The following APBB1IP variants were observed in gnomAD, a reference collection of about 807,000 sequenced individuals.
APBB1IP encodes amyloid beta precursor protein binding family B member 1 interacting protein.
In APBB1IP, 27 loss-of-function variants were observed where a neutral mutation model predicts 64.9. The observed-to-expected ratio is 0.42, with a 90% CI of 0.31 to 0.57. The LOEUF (loss-of-function observed/expected upper bound fraction) is 0.57, where lower values mean the gene tolerates loss of function less well. Among genes scored for constraint, APBB1IP ranks in the 20% least tolerant of loss-of-function variants. The pLI, the probability that APBB1IP is intolerant of heterozygous loss-of-function variation, is 0.20. For missense variants in APBB1IP, 812 were observed against 845.5 expected (o/e 0.96, Z 0.49); for synonymous variants, 392 against 331.0 (o/e 1.18, Z -2.00).
At chr10:26,515,969 C>T (rs1836321141) in intron 8 of APBB1IP, among the ~76,000 whole-genome samples, 1 of 152,040 alleles carries the variant, frequency 6.6e-6, no homozygotes, top group South Asian at 2.1e-4. Flanking sequence ...TGGGGATCTT[C>T]ACAAGAGTCA....
rs1046871457 is a variant in APBB1IP, at chr10:26,551,322, T to TGTGA, written c.1156-8780_1156-8777dup. ...GACCCAGTGTGGTAAGAAACCTGAG[T>TGTGA]GTGAGTCCGGGGGGACTTTCCATGT... is the stretch of plus-strand genomic sequence containing the variant. On this transcript the variant is annotated intron_variant, in intron 11 of 14. Transcript: ENST00000376236. 5.3e-5 allele frequency among the ~76,000 whole-genome samples: 8 copies of TGTGA among 152,234 alleles called. 1 individual carries two copies. Among genetic ancestry groups the TGTGA allele is most frequent in the African/African-American group, 1.9e-4 (8 of 41,552 alleles).
chr10:26,564,027 A>C (rs1487789386), intron 14 of APBB1IP, among the ~76,000 whole-genome samples: 2 of 151,214 alleles, frequency 1.3e-5, no homozygotes, highest in African/African-American at 4.8e-5. Context: ...GCCTGTTCAG[A>C]AATTTAAATA....
chr10:26,472,389 A>G (rs774792544), intron 2 of APBB1IP, among the ~76,000 whole-genome samples: 1 of 152,188 alleles, frequency 6.6e-6, no homozygotes, highest in African/African-American at 2.4e-5. Flanking sequence ...TATGGTCTGT[A>G]TGGACCCACC....
rs186575225 is a variant in APBB1IP at position 26,521,417 on chromosome 10, C to T, written c.813+7757C>T. On this transcript the variant is annotated intron_variant, in intron 8 of 14. Transcript: ENST00000376236. ...AAAGATAGGAAGTACAGTCAGGCCT[C>T]CCAGGGACTGGTGCAGGGGTTGGAG... 2.4e-3 allele frequency among the ~76,000 whole-genome samples: 371 copies of T among 152,300 alleles called. 1 individual carries two copies. The highest frequency in any genetic ancestry group is 8.2e-3 in the African/African-American group (341 of 41,570).
intron 6 of APBB1IP, among the ~76,000 whole-genome samples, chr10:26,506,250 T>G (rs9299826): frequency 0.018 from 1,130 of 62,344 alleles, 27 homozygotes; most frequent in African/African-American, 0.045. Context: ...CGTGTGTGTG[T>G]GGGGGGGGGG....
chr10:26,567,763 T>C lies in APBB1IP; in HGVS notation c.*275T>C, dbSNP rs1285295581. On this transcript the variant is annotated 3_prime_UTR_variant, in exon 15 of 15. Coordinates refer to ENST00000376236, the MANE Select transcript of APBB1IP (RefSeq NM_019043.4). ...TGTTTTAGGTTCATTTATTTTATTA[T>C]GTTCAGAAGCATCAAATAAAAGTTA... The C allele has an allele frequency of 3.8e-6, 2 of 526,724 alleles. No homozygotes were observed. The highest frequency in any genetic ancestry group is 5.5e-6 in the Non-Finnish European group (2 of 365,096). 32.6% of individuals were successfully genotyped at this position (526,724 alleles called of 1,614,324 possible).
intron 2 of APBB1IP, among the ~76,000 whole-genome samples, chr10:26,474,174 T>C (rs548261193): frequency 2.5e-4 from 38 of 152,278 alleles, no homozygotes; most frequent in African/African-American, 6.5e-4. Context: ...CTGTGGTAGA[T>C]TGAGCCTTTC....
At chr10:26,503,934 T>C (rs1836138132) in intron 6 of APBB1IP, among the ~76,000 whole-genome samples, 1 of 152,214 alleles carries the variant, frequency 6.6e-6, no homozygotes, top group Admixed American at 6.5e-5. Context: ...TTGGGTGCTG[T>C]ACAGGCAGGG....
intron 11 of APBB1IP, among the ~76,000 whole-genome samples, chr10:26,551,487 T>C (rs1208929175): frequency 1.3e-5 from 2 of 152,226 alleles, no homozygotes; most frequent in Non-Finnish European, 2.9e-5. Context: ...TTAGCCCTCA[T>C]AAAGGCACTT....
chr10:26,553,018 T>C (rs1338575311), intron 11 of APBB1IP, among the ~76,000 whole-genome samples: 1 of 149,640 alleles, frequency 6.7e-6, no homozygotes, highest in African/African-American at 2.5e-5. Context: ...CTCCATGTCC[T>C]CAACTTTTTT....
intron 8 of APBB1IP, among the ~76,000 whole-genome samples, chr10:26,525,425 T>G (rs77737993): frequency 6.6e-6 from 1 of 152,170 alleles, no homozygotes; most frequent in Non-Finnish European, 1.5e-5. Flanking sequence ...CTCTTGTTAC[T>G]CTCTCTCTTG....
chr10:26,461,833 C>A (rs1297044778), intron 2 of APBB1IP, among the ~76,000 whole-genome samples: 3 of 151,894 alleles, frequency 2.0e-5, no homozygotes, highest in Non-Finnish European at 4.4e-5. Context: ...GTTTTTGTTG[C>A]TGTTGTAAAT....
At chr10:26,543,445 C>T (rs1473492982) in intron 11 of APBB1IP, among the ~76,000 whole-genome samples, 7 of 142,018 alleles carry the variant, frequency 4.9e-5, no homozygotes, top group Non-Finnish European at 9.0e-5. Context: ...CCAGCCTGGG[C>T]GACAGAGAGA....
chr10:26,496,677 A>G (rs1836029166), intron 4 of APBB1IP, among the ~76,000 whole-genome samples: 1 of 152,056 alleles, frequency 6.6e-6, no homozygotes, highest in Non-Finnish European at 1.5e-5. Flanking sequence ...TACTGAGCCC[A>G]TAGAGTAACA....
chr10:26,445,390 C>T (rs572771378), intron 2 of APBB1IP, among the ~76,000 whole-genome samples: 4 of 152,202 alleles, frequency 2.6e-5, no homozygotes, highest in Non-Finnish European at 5.9e-5. Flanking sequence ...GAAATGAATA[C>T]TTAAAAGCCC....
chr10:26,567,148 T>TGCCGCC lies in APBB1IP; in HGVS notation c.1668_1673dup (p.Pro561_Pro562dup). ...TTGCCCGCCCCACCCGACGACTTCC[T>TGCCGCC]GCCGCCGCCGCCACCGCCGCCGCCC... On this transcript the variant is annotated inframe_insertion, in exon 15 of 15. Coordinates refer to ENST00000376236, the MANE Select transcript of APBB1IP (RefSeq NM_019043.4). 7.1e-7 allele frequency: 1 copy of TGCCGCC among 1,414,992 alleles called. No homozygotes were observed. Among genetic ancestry groups the TGCCGCC allele is most frequent in the Non-Finnish European group, 9.1e-7 (1 of 1,093,666 alleles). The allele number at this position is 1,414,992 out of a possible 1,614,324, so 87.7% of individuals were successfully genotyped here.
chr10:26,535,645 A>G (rs77587355), intron 9 of APBB1IP, among the ~76,000 whole-genome samples: 2,795 of 152,330 alleles, frequency 0.018, 104 homozygotes, highest in African/African-American at 0.063. Flanking sequence ...CAGCAATGAA[A>G]TGGTAACTTT....
rs1236883467 is a variant in APBB1IP at position 26,445,105 on chromosome 10, AAG to A, written c.-1+6255_-1+6256del. On this transcript the variant is annotated intron_variant, in intron 2 of 14. Transcript: ENST00000376236. ...GAGTGAGATTCTGTCAAAAAAAAAA[AAG>A]AGGAAAAGAAAGAAAGAAAGAAAAG... Among the ~76,000 whole-genome samples the A allele has an allele frequency of 7.3e-5, 10 of 136,954 alleles. No individual in the cohort carries two copies. In the South Asian group the frequency reaches 7.5e-4, roughly 10 times the overall value. The allele number at this position is 136,954 out of a possible 152,430, so 89.8% of individuals were successfully genotyped here. A position where few individuals can be genotyped will look rare whatever the true frequency, so the allele number is the denominator to read the frequency against.
At chr10:26,562,937 T>C (rs1284533164) in intron 14 of APBB1IP, among the ~76,000 whole-genome samples, 1 of 152,230 alleles carries the variant, frequency 6.6e-6, no homozygotes, top group Non-Finnish European at 1.5e-5. Flanking sequence ...AAACCAGCTA[T>C]CATCACACTG....
Sources: allele counts gnomAD v4.1 joint callset (sites outside exome capture counted in the v4.1 genomes callset), GRCh38; gene constraint gnomAD v4.1.1; transcripts MANE v1.5; gene names NCBI Gene and HGNC (gene_info 2026-07-23, HGNC 2026-07-21).